The following MMP2 variants were observed in gnomAD, a reference collection of about 807,000 sequenced individuals.
The protein encoded by MMP2 is matrix metallopeptidase 2.
MMP2 carries 39 observed loss-of-function variants against 74.8 expected under a neutral mutation model. That is an observed-to-expected ratio of 0.52 (90% CI 0.40 to 0.68). The LOEUF is 0.68. Ranked by LOEUF, MMP2 falls within the 30% of genes least tolerant of loss-of-function variation. MMP2 has a pLI of 0.00. For synonymous variants in MMP2, 367 were observed against 339.8 expected, an observed-to-expected ratio of 1.08 and a Z score of -0.88; for missense variants, 803 against 878.3, an observed-to-expected ratio of 0.91 and a Z score of 1.08.
At position 55,496,801 on chromosome 16, in the gene MMP2, C is replaced by T. The variant is rs568917563; in HGVS notation, c.1473-125C>T. On this transcript the variant is annotated intron_variant, in intron 9 of 12. Transcript: ENST00000219070. ...AGTCCTTCTCCAACCTTCCTTTGAT[C>T]CTGCCTCCCACTCCCATCATGGAAT... The T allele has an allele frequency of 1.5e-3, 2,016 of 1,333,150 alleles. 8 individuals carry two copies. Among genetic ancestry groups the T allele is most frequent in the Non-Finnish European group, 1.7e-3 (1,629 of 953,020 alleles). The allele number at this position is 1,333,150 out of a possible 1,614,324, so 82.6% of individuals were successfully genotyped here.
intron 10 of MMP2, among the ~76,000 whole-genome samples, chr16:55,497,544 G>T (rs1962560471): frequency 6.6e-6 from 1 of 152,314 alleles, no homozygotes; most frequent in Non-Finnish European, 1.5e-5. Flanking sequence ...TTCAGTAACT[G>T]ATATTTTGAC....
At chr16:55,503,649 T>C (rs895262337) in intron 12 of MMP2, among the ~76,000 whole-genome samples, 4 of 152,162 alleles carry the variant, frequency 2.6e-5, no homozygotes, top group Admixed American at 6.5e-5. Flanking sequence ...ATTGAGCACC[T>C]ACTACATGCT....
Position 55,493,276 on chromosome 16 carries a change from C to T in MMP2, c.1455C>T (p.Ile485=). 1 of 1,614,158 alleles carries T rather than the reference C, an allele frequency of 6.2e-7. No homozygotes were observed. Among genetic ancestry groups the T allele is most frequent in the Middle Eastern group, 1.7e-4 (1 of 6,060 alleles). ...FDGIAQIRGE[I]FFFKDRFIWR... is the part of the protein sequence containing the mutation. ...GCATCGCTCAGATCCGTGGTGAGAT[C>T]TTCTTCTTCAAGGACCGGTGAGTGC... Residue 485 remains isoleucine, a synonymous_variant, in exon 9 of 13, where the codon ATC becomes ATT. Transcript: ENST00000219070.
At chr16:55,491,983 TGGAG>T in intron 8 of MMP2, 27 bp downstream of exon 8, 16 of 1,061,126 alleles carry the variant, frequency 1.5e-5, no homozygotes, top group African/African-American at 4.8e-5. Context: ...GGGTTGGGGG[TGGAG>T]GGTGAGGAGG....
At chr16:55,493,044 C>A in intron 8 of MMP2, 114 bp from the exon 9 acceptor site, 1 of 1,335,822 alleles carries the variant, frequency 7.5e-7, no homozygotes, top group Non-Finnish European at 1.1e-6. Context: ...ACACTAAGGC[C>A]AGAAGGCGAT....
intron 6 of MMP2, 98 bp from the exon 7 acceptor site, chr16:55,489,553 C>T: frequency 1.4e-6 from 2 of 1,442,862 alleles, no homozygotes; most frequent in Non-Finnish European, 1.9e-6. Context: ...CTGAGTCTAA[C>T]TTAGGTGTGG....
intron 11 of MMP2, among the ~76,000 whole-genome samples, chr16:55,502,222 A>G (rs1399788984): frequency 6.6e-6 from 1 of 152,092 alleles, no homozygotes; most frequent in Non-Finnish European, 1.5e-5. Flanking sequence ...GCAGATGAAG[A>G]AGCAGCAATT....
At chr16:55,499,145 G>A (rs1385614209) in intron 11 of MMP2, among the ~76,000 whole-genome samples, 1 of 142,750 alleles carries the variant, frequency 7.0e-6, no homozygotes, top group African/African-American at 2.6e-5. Context: ...CTCCAGCCTG[G>A]GCAACAGAGT....
At chr16:55,504,087 G>T (rs999156999) in intron 12 of MMP2, among the ~76,000 whole-genome samples, 2 of 152,300 alleles carry the variant, frequency 1.3e-5, no homozygotes, top group East Asian at 3.9e-4. Flanking sequence ...GAGCCCAGGA[G>T]TTTAAGGCTG....
intron 5 of MMP2, among the ~76,000 whole-genome samples, chr16:55,486,358 T>C (rs1423740632): frequency 2.8e-5 from 2 of 72,062 alleles, no homozygotes; most frequent in East Asian, 2.7e-4. Context: ...TGTGTGTGTG[T>C]GTGTGTGTGT....
At position 55,502,870 on chromosome 16, in the gene MMP2, G is replaced by C. The variant is rs16955280; in HGVS notation, c.1861G>C (p.Val621Leu). Residue 621 changes from valine (V) to leucine (L), a missense_variant, in exon 12 of 13, where the codon GTG becomes CTG. This residue lies in a region of MMP2 where 555 missense variants were observed against 592.0 expected (regional missense o/e 0.94). Coordinates refer to ENST00000219070, the MANE Select transcript of MMP2 (RefSeq NM_004530.6). ...NAIPDNLDAVVDLQGGGHSYF... is the reference protein window; with the variant it reads ...NAIPDNLDAVLDLQGGGHSYF... ...CATCCCCGATAACCTGGATGCCGTC[G>C]TGGACCTGCAGGGCGGCGGTGAGCC... 1,785 of 1,613,738 alleles carry C rather than the reference G, an allele frequency of 1.1e-3. 18 individuals are homozygous for C. In the African/African-American group the frequency reaches 0.021, roughly 19 times the overall value.
rs1261841341 is a variant in MMP2 at position 55,497,030 on chromosome 16, C to A, written c.1577C>A (p.Ala526Asp). The A allele has an allele frequency of 6.2e-7, 1 of 1,614,128 alleles. No homozygotes were observed. ...GAAAAGATTGATGCGGTATACGAGGCCCCACAGGAGGAGAAGGCTGTGTTC... is the reference window on the plus strand; with the variant it reads ...GAAAAGATTGATGCGGTATACGAGGACCCACAGGAGGAGAAGGCTGTGTTC... ...LPEKIDAVYE[A>D]PQEEKAVFFA... is the part of the protein sequence containing the mutation. The change falls in exon 10 of 13, where the codon GCC (alanine) becomes GAC (aspartate). Residue 526 changes from alanine (A) to aspartate (D), a missense_variant. Coordinates refer to ENST00000219070, the MANE Select transcript of MMP2 (RefSeq NM_004530.6).
In MMP2 at chr16:55,501,626, G is replaced by T. The variant is rs533921260; in HGVS notation, c.1770-1153G>T. Among the ~76,000 whole-genome samples, 7 of 152,294 alleles carry T rather than the reference G, an allele frequency of 4.6e-5. No individual in the cohort carries two copies. The South Asian group carries it at 1.0e-3, about 23-fold the overall frequency. On this transcript the variant is annotated intron_variant, in intron 11 of 12. Transcript: ENST00000219070. ...GTTTTATGCTGCACCTGGGATTAAG[G>T]AAGGCGTTAGTTCTTCGGGGTGATG...
At chr16:55,498,591 C>A in intron 11 of MMP2, 143 bp downstream of exon 11, 2 of 1,001,376 alleles carry the variant, frequency 2.0e-6, no homozygotes, top group Non-Finnish European at 3.1e-6. Context: ...CCTCTTTGGT[C>A]TCTGGCACCT....
Position 55,483,062 on chromosome 16 carries a change from G to A in MMP2, c.307G>A (p.Gly103Ser), listed in dbSNP as rs764627590. The change falls in exon 2 of 13, where the codon GGC becomes AGC. Residue 103 changes from glycine to serine, a missense_variant. Gly to Ser is a moderately conservative substitution (Grantham distance 56). Coordinates refer to ENST00000219070, the MANE Select transcript of MMP2 (RefSeq NM_004530.6). ...CGAGACCATGCGGAAGCCACGCTGC[G>A]GCAACCCAGATGTGGCCAACTACAA... ...TIETMRKPRCGNPDVANYNFF... is the reference protein window; with the variant it reads ...TIETMRKPRCSNPDVANYNFF... The A allele has an allele frequency of 1.9e-6, 3 of 1,614,078 alleles. No individual in the cohort carries two copies. Among genetic ancestry groups the A allele is most frequent in the South Asian group, 2.2e-5 (2 of 91,062 alleles).
chr16:55,498,807 G>C (rs564045649), intron 11 of MMP2, among the ~76,000 whole-genome samples: 1 of 152,324 alleles, frequency 6.6e-6, no homozygotes, highest in African/African-American at 2.4e-5. Context: ...ACTGTCCCAA[G>C]GGTTCTATGG....
rs1486999779 is a variant in MMP2, at chr16:55,505,878, C to T, written c.*436C>T. ...ACAGGGCAGTGGGACAGGGCATGGC[C>T]AGGTGGCCACTCCAGACCCCTGGCT... On this transcript the variant is annotated 3_prime_UTR_variant, in exon 13 of 13. Coordinates refer to ENST00000219070, the MANE Select transcript of MMP2 (RefSeq NM_004530.6). 1 of 221,584 alleles carries T rather than the reference C, an allele frequency of 4.5e-6. No individual in the cohort carries two copies. Among genetic ancestry groups the T allele is most frequent in the Non-Finnish European group, 9.1e-6 (1 of 109,494 alleles). The allele number at this position is 221,584 out of a possible 1,614,324, so 13.7% of individuals were successfully genotyped here. A position where few individuals can be genotyped will look rare whatever the true frequency, so the allele number is the denominator to read the frequency against.
At chr16:55,496,648 A>G (rs963651248) in intron 9 of MMP2, among the ~76,000 whole-genome samples, 1 of 152,176 alleles carries the variant, frequency 6.6e-6, no homozygotes, top group Middle Eastern at 3.2e-3. Flanking sequence ...AGAGGCTTAG[A>G]GAGGGAAAAC....
At chr16:55,495,934 GAT>G (rs2142364482) in intron 9 of MMP2, among the ~76,000 whole-genome samples, 1 of 152,330 alleles carries the variant, frequency 6.6e-6, no homozygotes, top group Admixed American at 6.5e-5. Context: ...GACACGCACA[GAT>G]ACACACACAC....
Sources: allele counts gnomAD v4.1 joint callset (sites outside exome capture counted in the v4.1 genomes callset), GRCh38; gene constraint gnomAD v4.1.1; regional missense constraint gnomAD v4.1.1; transcripts MANE v1.5; gene names NCBI Gene and HGNC (gene_info 2026-07-23, HGNC 2026-07-21).